ANK2: variants seen among roughly 807,000 people sequenced by gnomAD.
ANK2 encodes the protein ankyrin-2.
A neutral mutation model predicts 360.5 loss-of-function variants in ANK2; 83 were observed. That is an observed-to-expected ratio of 0.23 (90% CI 0.19 to 0.28). The LOEUF is 0.28. Ranked by LOEUF, ANK2 falls within the 10% of genes least tolerant of loss-of-function variation. The pLI is 1.00. For missense variants in ANK2, 4,201 were observed against 4,795.7 expected, an observed-to-expected ratio of 0.88 and a Z score of 3.66; for synonymous variants, 1,740 against 1,759.5, an observed-to-expected ratio of 0.99 and a Z score of 0.28.
At chr4:113,220,663 C>A (rs2153486480) in intron 4 of ANK2, among the ~76,000 whole-genome samples, 1 of 152,088 alleles carries the variant, frequency 6.6e-6, no homozygotes, top group East Asian at 1.9e-4. Flanking sequence ...CAAAGTGAAA[C>A]AGAGAGAGAA....
At chr4:113,289,731 A>G (rs1366345580) in intron 20 of ANK2, among the ~76,000 whole-genome samples, 2 of 152,244 alleles carry the variant, frequency 1.3e-5, no homozygotes, top group Non-Finnish European at 2.9e-5. Flanking sequence ...ACTATAAATA[A>G]TACTATTAAC....
At chr4:112,747,153 G>GAC in the ANK2 span, among the ~76,000 whole-genome samples, 2 of 152,188 alleles carry the variant, frequency 1.3e-5, no homozygotes, top group Admixed American at 1.3e-4. Flanking sequence ...ATCCTGAGGT[G>GAC]ACACATTCTT....
intron 7 of ANK2, 35 bp from the exon 8 acceptor site, chr4:113,240,450 G>A: frequency 6.6e-7 from 1 of 1,507,826 alleles, no homozygotes; most frequent in South Asian, 1.1e-5. Flanking sequence ...GAAAAGTGAA[G>A]CGCTATACTG....
At chr4:112,740,195 A>C in the ANK2 span, among the ~76,000 whole-genome samples, 2 of 151,938 alleles carry the variant, frequency 1.3e-5, no homozygotes, top group African/African-American at 2.4e-5. Flanking sequence ...ATTATCAAAG[A>C]GTGAAAAGTA....
the ANK2 span, among the ~76,000 whole-genome samples, chr4:112,774,557 A>G: frequency 2.0e-5 from 3 of 152,296 alleles, no homozygotes; most frequent in Non-Finnish European, 2.9e-5. Context: ...CGAACTGACT[A>G]ACTAACTCCT....
the ANK2 span, among the ~76,000 whole-genome samples, chr4:112,770,841 G>A: frequency 1.3e-5 from 2 of 152,052 alleles, no homozygotes; most frequent in Non-Finnish European, 2.9e-5. Flanking sequence ...TTACTTTCCC[G>A]CCCCATAGTG....
chr4:113,293,588 A>G (rs773761538), intron 22 of ANK2, 50 bp downstream of exon 22: 2 of 1,497,462 alleles, frequency 1.3e-6, no homozygotes, highest in South Asian at 1.1e-5. Flanking sequence ...TTCGTTTTCA[A>G]ACTAAATACA....
chr4:113,009,366 T>G lies in ANK2; in HGVS notation c.21+104852T>G, dbSNP rs564439284. The stretch of plus-strand genomic sequence containing the variant: ...AATTTTATGTGTTCTCTATATATTT[T>G]CTCATTCTCCATACCTTTTTAGTTG... On this transcript the variant is annotated intron_variant, in intron 2 of 30. Transcript: ENST00000503271. Among the ~76,000 whole-genome samples, 5 of 152,326 alleles carry G rather than the reference T, an allele frequency of 3.3e-5. No homozygotes were observed. In the South Asian group the frequency reaches 1.0e-3, roughly 32 times the overall value.
intron 11 of ANK2, among the ~76,000 whole-genome samples, 195 bp downstream of exon 11, chr4:113,256,127 G>A (rs536832479): frequency 6.6e-6 from 1 of 152,334 alleles, no homozygotes; most frequent in Non-Finnish European, 1.5e-5. Context: ...GAGCAAAGAT[G>A]TATTTAAGAG....
chr4:113,150,153 C>T (rs1351658408), intron 1 of ANK2, among the ~76,000 whole-genome samples: 1 of 152,080 alleles, frequency 6.6e-6, no homozygotes, highest in Non-Finnish European at 1.5e-5. Context: ...AGCTGTACCA[C>T]TTGTTTACAG....
chr4:113,241,491 C>G lies in ANK2; in HGVS notation c.793-620C>G, dbSNP rs573023931. On this transcript the variant is annotated intron_variant, in intron 8 of 45. Coordinates refer to ENST00000357077, the MANE Select transcript of ANK2 (RefSeq NM_001148.6). ...TAGCTAGGACTACAGGAACACACTACCATGCCTGGCTAATTTTTTAAAATT... is the reference window on the plus strand; with the variant it reads ...TAGCTAGGACTACAGGAACACACTAGCATGCCTGGCTAATTTTTTAAAATT... Among the ~76,000 whole-genome samples the G allele has an allele frequency of 3.3e-5, 5 of 152,180 alleles. No homozygotes were observed. The South Asian group carries it at 1.0e-3, about 32-fold the overall frequency.
At chr4:112,904,820 T>C (rs1270756752) in intron 2 of ANK2, among the ~76,000 whole-genome samples, 1 of 152,120 alleles carries the variant, frequency 6.6e-6, no homozygotes, top group Non-Finnish European at 1.5e-5. Context: ...ATAGACATAA[T>C]AAACACATTG....
At chr4:113,340,319 A>G (rs903497830) in intron 32 of ANK2, among the ~76,000 whole-genome samples, 1 of 152,226 alleles carries the variant, frequency 6.6e-6, no homozygotes, top group Admixed American at 6.5e-5. Context: ...AAAGAGAATA[A>G]CATGAGCAAA....
At chr4:113,219,058 C>T (rs1428364786) in intron 4 of ANK2, among the ~76,000 whole-genome samples, 1 of 152,132 alleles carries the variant, frequency 6.6e-6, no homozygotes, top group African/African-American at 2.4e-5. Flanking sequence ...GGAGGTAACA[C>T]ATTTTCTCTT....
chr4:113,363,755 T>C (rs2096372946), intron 40 of ANK2, among the ~76,000 whole-genome samples: 1 of 152,154 alleles, frequency 6.6e-6, no homozygotes, highest in Admixed American at 6.6e-5. Flanking sequence ...CCCAAAGATG[T>C]GCACATCAGT....
intron 4 of ANK2, among the ~76,000 whole-genome samples, chr4:113,224,918 T>A (rs942457972): frequency 1.3e-4 from 20 of 151,014 alleles, no homozygotes; most frequent in African/African-American, 4.6e-4. Flanking sequence ...CTGTAAGAAT[T>A]CCTTTTGAGA....
At chr4:112,774,810 T>C in the ANK2 span, among the ~76,000 whole-genome samples, 1 of 152,204 alleles carries the variant, frequency 6.6e-6, no homozygotes, top group Non-Finnish European at 1.5e-5. Context: ...TAAAAACTTA[T>C]TGTCCCATTA....
chr4:113,354,087 C>G lies in ANK2; in HGVS notation c.5469C>G (p.Pro1823=). The G allele has an allele frequency of 6.2e-7, 1 of 1,614,004 alleles. No individual in the cohort carries two copies. The highest frequency in any genetic ancestry group is 1.3e-5 in the African/African-American group (1 of 75,030). Reference sequence around the variant, plus strand: ...CAGAGAGACATGCGCCAGGGTCTCCCTCCCCTAAAACAGAAAGACACTCTA... The same window carrying G: ...CAGAGAGACATGCGCCAGGGTCTCCGTCCCCTAAAACAGAAAGACACTCTA... The part of the protein sequence containing the change: ...LKSERHAPGS[P]SPKTERHSTL... Residue 1823 remains proline (P), a synonymous_variant, in exon 38 of 46, where the codon CCC becomes CCG. Coordinates refer to ENST00000357077, the MANE Select transcript of ANK2 (RefSeq NM_001148.6).
At chr4:113,323,853 C>T in intron 26 of ANK2, 4 of 1,523,366 alleles carry the variant, frequency 2.6e-6, no homozygotes, top group Non-Finnish European at 3.6e-6. Context: ...CCCCTTTCGC[C>T]ATCTCCTTCT....
Sources: gnomAD v4.1 joint callset for allele counts (sites outside exome capture counted in the v4.1 genomes callset) on GRCh38, gnomAD v4.1.1 for gene constraint, MANE v1.5 for transcripts, NCBI Gene and HGNC (gene_info 2026-07-23, HGNC 2026-07-21) for gene names.